The following ZNF704 variants were observed in gnomAD, a reference collection of about 807,000 sequenced individuals.
The protein encoded by ZNF704 is zinc finger protein 704.
Under a neutral mutation model 44.7 loss-of-function variants are expected in ZNF704, and 10 were observed. That is an observed-to-expected ratio of 0.22 (90% CI 0.14 to 0.38). The LOEUF is 0.38. ZNF704 is among the 10% of genes least tolerant of loss of function. ZNF704 has a pLI of 1.00. For synonymous variants in ZNF704, 211 were observed against 207.6 expected, an observed-to-expected ratio of 1.02 and a Z score of -0.14; for missense variants, 390 against 545.5, an observed-to-expected ratio of 0.71 and a Z score of 2.84.
chr8:80,826,789 T>C (rs1470033390), intron 1 of ZNF704, among the ~76,000 whole-genome samples: 1 of 152,168 alleles, frequency 6.6e-6, no homozygotes, highest in Non-Finnish European at 1.5e-5. Flanking sequence ...TCAATAAATG[T>C]AATCCATCAT....
chr8:80,823,116 G>A (rs1401459817), intron 1 of ZNF704, among the ~76,000 whole-genome samples: 1 of 152,186 alleles, frequency 6.6e-6, no homozygotes, highest in African/African-American at 2.4e-5. Flanking sequence ...ACAGAGCAGG[G>A]TGGGGCATCG....
rs1481220822 is a variant in ZNF704 at position 80,634,167 on chromosome 8, G to A, written c.*7199C>T. 1 of 152,256 alleles carries A rather than the reference G, an allele frequency of 6.6e-6. No individual in the cohort carries two copies. Among genetic ancestry groups the A allele is most frequent in the Non-Finnish European group, 1.5e-5 (1 of 68,076 alleles). 9.4% of individuals were successfully genotyped at this position (152,256 alleles called of 1,614,324 possible). A position where few individuals can be genotyped will look rare whatever the true frequency, so the allele number is the denominator to read the frequency against. On this transcript the variant is annotated 3_prime_UTR_variant, in exon 9 of 9. Transcript: ENST00000327835. ...CTGGCAGCCTTCTCGGAAGGCACGAGGCTGCTCTTTGCCAGCCCCTCATCA... is the reference window on the plus strand; with the variant it reads ...CTGGCAGCCTTCTCGGAAGGCACGAAGCTGCTCTTTGCCAGCCCCTCATCA...
chr8:80,659,822 A>AAG (rs1818071877), intron 6 of ZNF704, 133 bp from the exon 7 acceptor site: 1 of 730,392 alleles, frequency 1.4e-6, no homozygotes, highest in African/African-American at 1.8e-5. Context: ...ATCTAATAGG[A>AAG]AGAGATTAAA....
At chr8:80,830,606 G>A (rs1808453447) in intron 1 of ZNF704, among the ~76,000 whole-genome samples, 1 of 151,848 alleles carries the variant, frequency 6.6e-6, no homozygotes, top group African/African-American at 2.4e-5. Flanking sequence ...TACAATGGGA[G>A]GAATGTTGTG....
chr8:80,712,903 T>C (rs1183594177), intron 2 of ZNF704, among the ~76,000 whole-genome samples: 3 of 151,976 alleles, frequency 2.0e-5, no homozygotes, highest in Non-Finnish European at 2.9e-5. Context: ...TTGGTTTGGT[T>C]TGGTTTTTTG....
intron 2 of ZNF704, among the ~76,000 whole-genome samples, chr8:80,694,652 G>GA (rs903840202): frequency 5.9e-5 from 9 of 152,084 alleles, no homozygotes; most frequent in Admixed American, 2.0e-4. Flanking sequence ...TTAAATTGGA[G>GA]AAAAAAACAA....
At chr8:80,866,214 A>G (rs1442634223) in intron 1 of ZNF704, among the ~76,000 whole-genome samples, 1 of 152,188 alleles carries the variant, frequency 6.6e-6, no homozygotes, top group East Asian at 1.9e-4. Context: ...GGTAGCTAAG[A>G]AAAGGCTTTG....
chr8:80,762,840 G>C lies in ZNF704; in HGVS notation c.221+58534C>G, dbSNP rs375436875. 8.5e-5 allele frequency among the ~76,000 whole-genome samples: 13 copies of C among 152,248 alleles called. No individual in the cohort carries two copies. The East Asian group carries it at 2.3e-3, about 27-fold the overall frequency. ...CAAAAGCAAGTTAGTTCCTTGCAAG[G>C]TACAATGAGGGTACAGATTGGATAA... On this transcript the variant is annotated intron_variant, in intron 2 of 8. Coordinates refer to ENST00000327835, the MANE Select transcript of ZNF704 (RefSeq NM_001033723.3).
the ZNF704 span, among the ~76,000 whole-genome samples, chr8:80,883,135 C>G: frequency 1.4e-5 from 2 of 147,874 alleles, no homozygotes; most frequent in Non-Finnish European, 3.0e-5. Context: ...ATGGTCCCAG[C>G]TACTCAGGAG....
intron 2 of ZNF704, among the ~76,000 whole-genome samples, chr8:80,728,685 G>A (rs906866317): frequency 6.6e-6 from 1 of 152,196 alleles, no homozygotes; most frequent in African/African-American, 2.4e-5. Context: ...TCTGGGGTTT[G>A]CAGCCAGGTC....
intron 2 of ZNF704, among the ~76,000 whole-genome samples, chr8:80,755,673 G>A (rs372231962): frequency 1.4e-3 from 211 of 152,224 alleles, no homozygotes; most frequent in African/African-American, 5.0e-3. Flanking sequence ...TGATTTCAGC[G>A]TGCAGCCAGG....
chr8:80,871,872 A>T (rs1333084733), intron 1 of ZNF704, among the ~76,000 whole-genome samples: 1 of 152,226 alleles, frequency 6.6e-6, no homozygotes, highest in Non-Finnish European at 1.5e-5. Flanking sequence ...TGGGCAAATG[A>T]GAGTGTTATA....
At chr8:80,803,575 C>T (rs1807937604) in intron 2 of ZNF704, among the ~76,000 whole-genome samples, 1 of 152,114 alleles carries the variant, frequency 6.6e-6, no homozygotes, top group Non-Finnish European at 1.5e-5. Context: ...CAAAAACAAG[C>T]AATGGGGAAA....
At chr8:80,866,170 T>C (rs1405583052) in intron 1 of ZNF704, among the ~76,000 whole-genome samples, 1 of 152,204 alleles carries the variant, frequency 6.6e-6, no homozygotes, top group Non-Finnish European at 1.5e-5. Flanking sequence ...ACAGTTGTTT[T>C]AAAGGTATAT....
chr8:80,814,225 C>A (rs1175716666), intron 2 of ZNF704: 3 of 152,164 alleles, frequency 2.0e-5, no homozygotes, highest in African/African-American at 7.2e-5. Context: ...TCTGTTCTTA[C>A]AGGTAACGGA....
chr8:80,861,858 C>T (rs1357848183), intron 1 of ZNF704, among the ~76,000 whole-genome samples: 1 of 151,868 alleles, frequency 6.6e-6, no homozygotes, highest in African/African-American at 2.4e-5. Flanking sequence ...TAAGACAGAG[C>T]TTTTGATTCT....
intron 2 of ZNF704, among the ~76,000 whole-genome samples, chr8:80,719,892 A>G (rs1377285817): frequency 6.6e-6 from 1 of 152,220 alleles, no homozygotes. Context: ...GAAATCATTC[A>G]GCTTACTTGA....
chr8:80,696,756 G>A (rs773658807), intron 2 of ZNF704, among the ~76,000 whole-genome samples: 9 of 152,154 alleles, frequency 5.9e-5, no homozygotes, highest in Non-Finnish European at 1.3e-4. Flanking sequence ...TATATATAAT[G>A]TAAGATATTG....
At position 80,755,940 on chromosome 8, in the gene ZNF704, TA is replaced by T. The variant is rs993761661; in HGVS notation, c.222-62834del. Among the ~76,000 whole-genome samples the T allele has an allele frequency of 9.7e-3, 1,423 of 146,886 alleles. 11 individuals carry two copies. Among genetic ancestry groups the T allele is most frequent in the Non-Finnish European group, 0.016 (1,067 of 66,320 alleles). ...GGGCAACACTCAAGACCCCATCTCT[TA>T]AAAAAAAAAATCAATAAATCAGCTG... On this transcript the variant is annotated intron_variant, in intron 2 of 8. Coordinates refer to ENST00000327835, the MANE Select transcript of ZNF704 (RefSeq NM_001033723.3).
Sources: gnomAD v4.1 joint callset for allele counts (sites outside exome capture counted in the v4.1 genomes callset) on GRCh38, gnomAD v4.1.1 for gene constraint, MANE v1.5 for transcripts, NCBI Gene and HGNC (gene_info 2026-07-23, HGNC 2026-07-21) for gene names.